LARP4: variants seen among roughly 807,000 people sequenced by gnomAD.
LARP4 encodes the protein la-related protein 4.
Under a neutral mutation model 92.9 loss-of-function variants are expected in LARP4, and 29 were observed. The ratio of observed to expected loss-of-function variants is 0.31; its 90% CI spans 0.23 to 0.43. LARP4 has a LOEUF of 0.43. Ranked by LOEUF, LARP4 falls within the 20% of genes least tolerant of loss-of-function variation. LARP4 has a pLI of 1.00. For synonymous variants in LARP4, 279 were observed against 284.1 expected (o/e 0.98, Z 0.18); for missense variants, 732 against 860.0 (o/e 0.85, Z 1.86).
At chr12:50,444,383 A>G (rs967461635) in intron 8 of LARP4, among the ~76,000 whole-genome samples, 1 of 152,142 alleles carries the variant, frequency 6.6e-6, no homozygotes, top group Non-Finnish European at 1.5e-5. Flanking sequence ...ATATTTTATT[A>G]TAAGTAATGT....
chr12:50,463,814 G>A (rs1348386307), intron 12 of LARP4, among the ~76,000 whole-genome samples: 1 of 152,180 alleles, frequency 6.6e-6, no homozygotes, highest in East Asian at 1.9e-4. Context: ...CAGTGCCCTA[G>A]TGGAGGCTTG....
In LARP4 at chr12:50,477,373, T is replaced by C. The variant is rs1957607097; in HGVS notation, c.*1509T>C. On this transcript the variant is annotated 3_prime_UTR_variant, in exon 16 of 16. Coordinates refer to ENST00000398473, the MANE Select transcript of LARP4 (RefSeq NM_052879.5). ...TGGGTTTTATTTTTCTTTTAAGGGA[T>C]AGTTTGTAATAGTAAGAACTGTCCC... 6.6e-6 allele frequency: 1 copy of C among 152,612 alleles called. No individual in the cohort carries two copies. Among genetic ancestry groups the C allele is most frequent in the Admixed American group, 6.5e-5 (1 of 15,272 alleles). 9.5% of individuals were successfully genotyped at this position (152,612 alleles called of 1,614,324 possible). A position where few individuals can be genotyped will look rare whatever the true frequency, so the allele number is the denominator to read the frequency against.
At chr12:50,403,648 C>A in intron 1 of LARP4, among the ~76,000 whole-genome samples, 1 of 152,212 alleles carries the variant, frequency 6.6e-6, no homozygotes. Flanking sequence ...ACTAAACCAA[C>A]TTGCTTGTGG....
At chr12:50,433,995 C>G (rs535392795) in intron 4 of LARP4, among the ~76,000 whole-genome samples, 32 of 152,232 alleles carry the variant, frequency 2.1e-4, no homozygotes, top group Non-Finnish European at 5.9e-5. Context: ...TTGCCAGGCA[C>G]TAGGCAGTTG....
intron 1 of LARP4, among the ~76,000 whole-genome samples, chr12:50,422,374 C>CTGTTTTTT (rs1329542606): frequency 6.6e-6 from 1 of 152,164 alleles, no homozygotes; most frequent in African/African-American, 2.4e-5. Context: ...GCAGTTACAG[C>CTGTTTTTT]TGTTTTTTCC....
chr12:50,452,102 T>G (rs1953312476), intron 8 of LARP4, among the ~76,000 whole-genome samples: 1 of 152,236 alleles, frequency 6.6e-6, no homozygotes, highest in Non-Finnish European at 1.5e-5. Context: ...GTTGTTTCCA[T>G]ATGTTAGCCA....
intron 11 of LARP4, 113 bp from the exon 12 acceptor site, chr12:50,462,469 T>TC (rs1955545603): frequency 1.7e-6 from 1 of 600,484 alleles, no homozygotes; most frequent in African/African-American, 3.5e-5. Context: ...AGAGCGAGAC[T>TC]CCATCTCAAA....
At chr12:50,418,512 T>G (rs905932213) in intron 1 of LARP4, among the ~76,000 whole-genome samples, 52 of 152,178 alleles carry the variant, frequency 3.4e-4, no homozygotes, top group Non-Finnish European at 8.8e-5. Context: ...CTTGACCTCC[T>G]GGACTTAAGT....
Position 50,428,611 on chromosome 12 carries a change from T to G in LARP4, c.167-324T>G, listed in dbSNP as rs114351849. On this transcript the variant is annotated intron_variant, in intron 2 of 15. Coordinates refer to ENST00000398473, the MANE Select transcript of LARP4 (RefSeq NM_052879.5). Reference sequence around the variant, plus strand: ...TTGGGCAAATAACTTAATTTCTCTATGCTTTTTTCCCTCCATCTGTAAAAC... The same window carrying G: ...TTGGGCAAATAACTTAATTTCTCTAGGCTTTTTTCCCTCCATCTGTAAAAC... 1.2e-3 allele frequency among the ~76,000 whole-genome samples: 179 copies of G among 152,340 alleles called. 1 individual carries two copies. Among genetic ancestry groups the G allele is most frequent in the South Asian group, 2.1e-3 (10 of 4,834 alleles).
At chr12:50,407,589 A>G (rs1283327625) in intron 1 of LARP4, among the ~76,000 whole-genome samples, 5 of 152,318 alleles carry the variant, frequency 3.3e-5, no homozygotes, top group Admixed American at 2.0e-4. Context: ...TCATGCCTGT[A>G]ATCCCAGAAT....
At chr12:50,428,562 C>G (rs1949167510) in intron 2 of LARP4, among the ~76,000 whole-genome samples, 1 of 152,104 alleles carries the variant, frequency 6.6e-6, no homozygotes, top group African/African-American at 2.4e-5. Flanking sequence ...ATCATTGACT[C>G]TGCTATTTAC....
In LARP4 at chr12:50,476,408, G is replaced by A. The variant is rs1398657664; in HGVS notation, c.*544G>A. ...GTTGTGGGTGTGAGTGTGTACAAGA[G>A]CGATTGAAGCCAAATCTGTTGTCAT... is the stretch of plus-strand genomic sequence containing the variant. On this transcript the variant is annotated 3_prime_UTR_variant, in exon 16 of 16. Transcript: ENST00000398473. 1 of 152,552 alleles carries A rather than the reference G, an allele frequency of 6.6e-6. No individual in the cohort carries two copies. Among genetic ancestry groups the A allele is most frequent in the African/African-American group, 2.4e-5 (1 of 41,412 alleles). The allele number at this position is 152,552 out of a possible 1,614,324, so 9.4% of individuals were successfully genotyped here. A position where few individuals can be genotyped will look rare whatever the true frequency, so the allele number is the denominator to read the frequency against.
intron 1 of LARP4, among the ~76,000 whole-genome samples, chr12:50,424,235 T>C (rs1167765562): frequency 6.6e-6 from 1 of 152,048 alleles, no homozygotes; most frequent in African/African-American, 2.4e-5. Context: ...TGGAGCATGG[T>C]GTTCCAGGCC....
At chr12:50,431,160 TG>T (rs892495776) in intron 4 of LARP4, among the ~76,000 whole-genome samples, 2 of 151,836 alleles carry the variant, frequency 1.3e-5, no homozygotes, top group African/African-American at 2.4e-5. Context: ...CCCAGCTACT[TG>T]GGAGGCTGAG....
chr12:50,454,206 T>C, intron 9 of LARP4, 108 bp from the exon 10 acceptor site: 1 of 680,534 alleles, frequency 1.5e-6, no homozygotes, highest in Non-Finnish European at 2.4e-6. Context: ...TTTTAAGATA[T>C]TTTTGGCTTG....
At chr12:50,456,897 T>C (rs1954354453) in intron 10 of LARP4, among the ~76,000 whole-genome samples, 1 of 147,524 alleles carries the variant, frequency 6.8e-6, no homozygotes, top group Admixed American at 7.2e-5. Context: ...CAGTTCATTT[T>C]CAAGATGTAA....
intron 8 of LARP4, among the ~76,000 whole-genome samples, chr12:50,447,863 C>T (rs1351963085): frequency 1.3e-5 from 2 of 151,880 alleles, no homozygotes; most frequent in Non-Finnish European, 2.9e-5. Context: ...ACCACTCCCC[C>T]CCCATTTTTT....
chr12:50,433,242 C>T (rs1949939076), intron 4 of LARP4, among the ~76,000 whole-genome samples: 1 of 150,546 alleles, frequency 6.6e-6, no homozygotes, highest in Non-Finnish European at 1.5e-5. Context: ...GAAGCTTCCA[C>T]AGCTTTCCCA....
At chr12:50,444,919 C>T (rs1220930629) in intron 8 of LARP4, among the ~76,000 whole-genome samples, 1 of 152,118 alleles carries the variant, frequency 6.6e-6, no homozygotes, top group Admixed American at 6.6e-5. Context: ...GTATTTCACA[C>T]TCTTTTTTGA....
Sources: allele counts gnomAD v4.1 joint callset (sites outside exome capture counted in the v4.1 genomes callset), GRCh38; gene constraint gnomAD v4.1.1; transcripts MANE v1.5; gene names NCBI Gene and HGNC (gene_info 2026-07-23, HGNC 2026-07-21).